Variants in NPAS3 observed in about 807,000 individuals in gnomAD.
NPAS3 encodes the protein neuronal PAS domain-containing protein 3.
In NPAS3, 14 loss-of-function variants were observed where a neutral mutation model predicts 73.1. That is an observed-to-expected ratio of 0.19 (90% CI 0.13 to 0.30). NPAS3 has a LOEUF of 0.30. Ranked by LOEUF, NPAS3 falls within the 10% of genes least tolerant of loss-of-function variation. NPAS3 has a pLI of 1.00. For missense variants in NPAS3, 1,096 were observed against 1,250.0 expected (o/e 0.88, Z 1.86); for synonymous variants, 620 against 541.5 (o/e 1.14, Z -2.01).
At chr14:33,141,493 C>T (rs2044041565) in intron 2 of NPAS3, among the ~76,000 whole-genome samples, 1 of 152,164 alleles carries the variant, frequency 6.6e-6, no homozygotes, top group Admixed American at 6.5e-5. Flanking sequence ...ATAGATAATT[C>T]TATGAATCAC....
intron 4 of NPAS3, among the ~76,000 whole-genome samples, chr14:33,447,980 C>T (rs1431774179): frequency 6.6e-6 from 1 of 152,154 alleles, no homozygotes; most frequent in African/African-American, 2.4e-5. Context: ...GATTTGGAGA[C>T]TGAGTCTCTA....
At chr14:33,694,072 T>C (rs2060308162) in intron 6 of NPAS3, among the ~76,000 whole-genome samples, 2 of 152,262 alleles carry the variant, frequency 1.3e-5, no homozygotes, top group African/African-American at 4.8e-5. Context: ...TTTCTTTCAG[T>C]TTTTTAAGAT....
chr14:33,132,243 A>C (rs913636987), intron 2 of NPAS3, among the ~76,000 whole-genome samples: 9 of 152,086 alleles, frequency 5.9e-5, no homozygotes, highest in Non-Finnish European at 1.0e-4. Flanking sequence ...TGACTAGTTT[A>C]ATGTGGGCAA....
chr14:32,952,322 C>T (rs1293240452), intron 1 of NPAS3, among the ~76,000 whole-genome samples: 2 of 151,944 alleles, frequency 1.3e-5, no homozygotes, highest in Non-Finnish European at 2.9e-5. Flanking sequence ...ACTCCTTTTT[C>T]CCCCTCATCA....
chr14:33,121,899 G>C (rs8005131), intron 2 of NPAS3, among the ~76,000 whole-genome samples: 44,306 of 152,026 alleles, frequency 0.29, 7,728 homozygotes, highest in Admixed American at 0.5. Flanking sequence ...ATTACTGGCA[G>C]AGGATCTGAT....
intron 2 of NPAS3, among the ~76,000 whole-genome samples, chr14:33,209,363 G>A (rs2139643119): frequency 6.6e-6 from 1 of 152,216 alleles, no homozygotes; most frequent in East Asian, 1.9e-4. Context: ...ATGTGGGGTG[G>A]GCTGTTTTAC....
At chr14:33,753,605 A>G (rs2062028789) in intron 7 of NPAS3, among the ~76,000 whole-genome samples, 2 of 152,188 alleles carry the variant, frequency 1.3e-5, no homozygotes, top group South Asian at 4.1e-4. Flanking sequence ...TGTAGGGTTC[A>G]TTTAGTCACA....
chr14:33,566,908 A>G (rs936201860), intron 5 of NPAS3, among the ~76,000 whole-genome samples: 52 of 152,292 alleles, frequency 3.4e-4, no homozygotes, highest in African/African-American at 1.3e-3. Flanking sequence ...CACCTGTGCT[A>G]TTTGGCTTTG....
intron 3 of NPAS3, among the ~76,000 whole-genome samples, chr14:33,287,114 A>G (rs976347840): frequency 1.3e-5 from 2 of 152,082 alleles, no homozygotes; most frequent in African/African-American, 4.8e-5. Flanking sequence ...AAAGAAAGAA[A>G]CTTTTCCCGT....
rs138693830 is a variant in NPAS3 at position 33,749,710 on chromosome 14, C to T, written c.852+14378C>T. ...TCTCTAGGACAAAAAGGTGGCACTGCGTAGCACCTCCAGGTTCTCATGCAC... is the reference window on the plus strand; with the variant it reads ...TCTCTAGGACAAAAAGGTGGCACTGTGTAGCACCTCCAGGTTCTCATGCAC... On this transcript the variant is annotated intron_variant, in intron 7 of 11. Transcript: ENST00000356141. Among the ~76,000 whole-genome samples the T allele has an allele frequency of 9.1e-4, 138 of 152,188 alleles. 1 individual carries two copies. The East Asian group carries it at 0.024, about 26-fold the overall frequency.
At chr14:33,082,129 G>C (rs1354491189) in intron 2 of NPAS3, among the ~76,000 whole-genome samples, 1 of 152,128 alleles carries the variant, frequency 6.6e-6, no homozygotes, top group Non-Finnish European at 1.5e-5. Flanking sequence ...AGAGAATCAA[G>C]GTGAACCCAA....
At chr14:33,341,093 G>A (rs1171403962) in intron 3 of NPAS3, among the ~76,000 whole-genome samples, 2 of 152,206 alleles carry the variant, frequency 1.3e-5, no homozygotes, top group African/African-American at 2.4e-5. Flanking sequence ...TCTTTGGCCT[G>A]TAAATTGCAT....
chr14:33,799,706 G>A (rs1223951506), intron 11 of NPAS3, 28 bp from the exon 12 acceptor site: 3 of 1,543,718 alleles, frequency 1.9e-6, no homozygotes, highest in Non-Finnish European at 2.6e-6. Flanking sequence ...CTCCGCCCCC[G>A]CCACCGCCGG....
At chr14:33,019,243 C>T (rs562116304) in intron 1 of NPAS3, among the ~76,000 whole-genome samples, 29 of 152,366 alleles carry the variant, frequency 1.9e-4, no homozygotes, top group Middle Eastern at 3.4e-3. Flanking sequence ...GCACATCTCA[C>T]TCCACAGGCA....
At chr14:33,657,754 G>A (rs1437645123) in intron 5 of NPAS3, among the ~76,000 whole-genome samples, 2 of 151,600 alleles carry the variant, frequency 1.3e-5, no homozygotes, top group African/African-American at 4.9e-5. Context: ...ACATAAAATT[G>A]TTCAAATACA....
At chr14:33,668,198 G>GT (rs2059509255) in intron 5 of NPAS3, among the ~76,000 whole-genome samples, 1 of 152,136 alleles carries the variant, frequency 6.6e-6, no homozygotes, top group Non-Finnish European at 1.5e-5. Context: ...TTTTGCTATT[G>GT]TTTTTTCGCG....
intron 6 of NPAS3, among the ~76,000 whole-genome samples, chr14:33,711,324 G>A (rs1035195137): frequency 8.5e-5 from 13 of 152,148 alleles, no homozygotes; most frequent in African/African-American, 2.7e-4. Flanking sequence ...ACTGGCGGAC[G>A]AGTGTTGTCT....
At position 33,707,333 on chromosome 14, in the gene NPAS3, TTTC is replaced by T. The variant is rs200965575; in HGVS notation, c.734-27875_734-27873del. Among the ~76,000 whole-genome samples, 224 of 133,794 alleles carry T rather than the reference TTTC, an allele frequency of 1.7e-3. 3 individuals are homozygous for T. Among genetic ancestry groups the T allele is most frequent in the African/African-American group, 5.7e-3 (215 of 37,540 alleles). The allele number at this position is 133,794 out of a possible 152,430, so 87.8% of individuals were successfully genotyped here. A position where few individuals can be genotyped will look rare whatever the true frequency, so the allele number is the denominator to read the frequency against. ...AGAATTCAAGAGCAGCTGGTTTCTT[TTTC>T]TTCTTTTTTTTTTTCAAAAGGAGAA... On this transcript the variant is annotated intron_variant, in intron 6 of 11. Coordinates refer to ENST00000356141, the Ensembl canonical transcript of NPAS3.
At chr14:33,121,808 A>G (rs1034800970) in intron 2 of NPAS3, among the ~76,000 whole-genome samples, 1 of 152,182 alleles carries the variant, frequency 6.6e-6, no homozygotes, top group Non-Finnish European at 1.5e-5. Context: ...AGAAGCTGGT[A>G]CACCTGAGAA....
Sources: gnomAD v4.1 joint callset for allele counts (sites outside exome capture counted in the v4.1 genomes callset) on GRCh38, gnomAD v4.1.1 for gene constraint, MANE v1.5 for transcripts, NCBI Gene and HGNC (gene_info 2026-07-23, HGNC 2026-07-21) for gene names.